Variants in MYRIP observed in about 807,000 individuals in gnomAD.
The protein encoded by MYRIP is rab effector MyRIP.
In MYRIP, 49 loss-of-function variants were observed where a neutral mutation model predicts 98.0. The observed-to-expected ratio is 0.50, with a 90% CI of 0.40 to 0.63. MYRIP has a LOEUF of 0.63. Ranked by LOEUF, MYRIP falls within the 30% of genes least tolerant of loss-of-function variation. MYRIP has a pLI of 0.00. For synonymous variants in MYRIP, 404 were observed against 409.5 expected, an observed-to-expected ratio of 0.99 and a Z score of 0.16; for missense variants, 1,004 against 1,058.2, an observed-to-expected ratio of 0.95 and a Z score of 0.71.
Position 39,981,296 on chromosome 3 carries a change from T to C in MYRIP, c.111-62754T>C, listed in dbSNP as rs543519183. 5.4e-4 allele frequency among the ~76,000 whole-genome samples: 83 copies of C among 152,338 alleles called. 1 individual carries two copies. The highest frequency in any genetic ancestry group is 1.6e-3 in the African/African-American group (68 of 41,594). ...ACATTGCCAAATATAGTGGACTTCC[T>C]TATCTGGGTTGTATTCTTCCCTGTT... On this transcript the variant is annotated intron_variant, in intron 2 of 16. Coordinates refer to ENST00000302541, the MANE Select transcript of MYRIP (RefSeq NM_015460.4).
At chr3:40,011,580 T>G (rs185489590) in intron 2 of MYRIP, among the ~76,000 whole-genome samples, 6 of 152,340 alleles carry the variant, frequency 3.9e-5, no homozygotes, top group African/African-American at 1.4e-4. Flanking sequence ...ATCCATTGCA[T>G]TGATCTAGAC....
chr3:40,239,007 C>T (rs1952911790), intron 12 of MYRIP, among the ~76,000 whole-genome samples: 1 of 151,372 alleles, frequency 6.6e-6, no homozygotes, highest in African/African-American at 2.4e-5. Flanking sequence ...GCTGCACCCA[C>T]TAACTCGTCA....
chr3:40,173,782 G>A (rs1221980046), intron 8 of MYRIP: 1 of 152,044 alleles, frequency 6.6e-6, no homozygotes, highest in Non-Finnish European at 1.5e-5. Context: ...ATTTCCCTTT[G>A]GTTTACTAAA....
chr3:39,847,819 T>C (rs1265452813), intron 1 of MYRIP, among the ~76,000 whole-genome samples: 1 of 152,188 alleles, frequency 6.6e-6, no homozygotes. Flanking sequence ...GTAGTTTCCA[T>C]GCAGGACCAT....
chr3:40,225,923 T>C (rs973981702), intron 11 of MYRIP, among the ~76,000 whole-genome samples: 4 of 152,206 alleles, frequency 2.6e-5, no homozygotes, highest in Non-Finnish European at 5.9e-5. Context: ...TGTCTTTAGA[T>C]GACCCCTGTT....
intron 2 of MYRIP, among the ~76,000 whole-genome samples, chr3:39,933,957 AAAC>A (rs1156389842): frequency 7.2e-5 from 11 of 152,206 alleles, no homozygotes; most frequent in East Asian, 1.9e-4. Context: ...GGCTCCTAGA[AAAC>A]AACATTAGCA....
chr3:39,987,228 G>T (rs1047141093), intron 2 of MYRIP, among the ~76,000 whole-genome samples: 1 of 151,996 alleles, frequency 6.6e-6, no homozygotes, highest in Admixed American at 6.6e-5. Context: ...TCATTATTCA[G>T]TTCCCACTTG....
rs568261055 is a variant in MYRIP, at chr3:40,198,874, G to A, written c.1665+8411G>A. On this transcript the variant is annotated intron_variant, in intron 10 of 16. Coordinates refer to ENST00000302541, the MANE Select transcript of MYRIP (RefSeq NM_015460.4). Reference sequence around the variant, plus strand: ...CATTTATTTAATAGGTGTATGCCTTGCTCCAGAAATAATTTAAAGTGGCTT... The same window carrying A: ...CATTTATTTAATAGGTGTATGCCTTACTCCAGAAATAATTTAAAGTGGCTT... Among the ~76,000 whole-genome samples, 171 of 152,204 alleles carry A rather than the reference G, an allele frequency of 1.1e-3. 1 individual carries two copies. Among genetic ancestry groups the A allele is most frequent in the African/African-American group, 3.9e-3 (162 of 41,512 alleles).
At chr3:39,936,256 C>G (rs1220490062) in intron 2 of MYRIP, among the ~76,000 whole-genome samples, 1 of 152,164 alleles carries the variant, frequency 6.6e-6, no homozygotes, top group Non-Finnish European at 1.5e-5. Flanking sequence ...TCCCAGGATT[C>G]TCAGGAATTC....
At chr3:39,822,674 A>G (rs1481994852) in intron 1 of MYRIP, among the ~76,000 whole-genome samples, 1 of 152,144 alleles carries the variant, frequency 6.6e-6, no homozygotes, top group Non-Finnish European at 1.5e-5. Flanking sequence ...ATCATTTAAC[A>G]ATTCTCTCCC....
intron 2 of MYRIP, among the ~76,000 whole-genome samples, chr3:39,958,912 AG>A (rs1945246386): frequency 6.6e-6 from 1 of 152,234 alleles, no homozygotes; most frequent in Non-Finnish European, 1.5e-5. Flanking sequence ...TGCAGCCAAC[AG>A]ACACATGAAA....
intron 2 of MYRIP, among the ~76,000 whole-genome samples, chr3:39,935,614 C>A (rs867209058): frequency 5.3e-5 from 8 of 151,988 alleles, no homozygotes; most frequent in South Asian, 4.2e-4. Flanking sequence ...TCCTAAATCC[C>A]AAGAAAAATC....
intron 2 of MYRIP, among the ~76,000 whole-genome samples, chr3:39,992,433 C>G (rs1296940998): frequency 6.6e-6 from 1 of 152,178 alleles, no homozygotes. Flanking sequence ...GCCTCTCCCC[C>G]AAGGGCACAG....
chr3:40,152,715 T>G (rs1950145869), intron 4 of MYRIP, among the ~76,000 whole-genome samples: 1 of 152,228 alleles, frequency 6.6e-6, no homozygotes. Flanking sequence ...CTGCCTCTCC[T>G]GCCAGACTGT....
intron 2 of MYRIP, among the ~76,000 whole-genome samples, chr3:39,997,256 GAGA>G (rs1350225914): frequency 1.3e-5 from 2 of 152,078 alleles, no homozygotes; most frequent in East Asian, 3.9e-4. Context: ...CTGGTTTTTT[GAGA>G]AGATCAACAA....
intron 1 of MYRIP, among the ~76,000 whole-genome samples, chr3:39,860,244 C>T (rs1002240215): frequency 2.0e-5 from 3 of 152,182 alleles, no homozygotes; most frequent in African/African-American, 7.2e-5. Flanking sequence ...GCTCTTGCCA[C>T]AGACCTCTGG....
At chr3:40,253,601 G>C (rs1406957989) in intron 16 of MYRIP, among the ~76,000 whole-genome samples, 1 of 152,144 alleles carries the variant, frequency 6.6e-6, no homozygotes, top group Non-Finnish European at 1.5e-5. Context: ...GATCGCACTA[G>C]TCTTAGTGAG....
At chr3:39,991,196 C>T (rs1409001410) in intron 2 of MYRIP, among the ~76,000 whole-genome samples, 4 of 152,150 alleles carry the variant, frequency 2.6e-5, no homozygotes, top group African/African-American at 9.7e-5. Flanking sequence ...GAAAATTGGT[C>T]TAAGTGTCTG....
chr3:39,965,032 C>A (rs1220732038), intron 2 of MYRIP, among the ~76,000 whole-genome samples: 1 of 152,058 alleles, frequency 6.6e-6, no homozygotes, highest in East Asian at 1.9e-4. Flanking sequence ...TATCCCTATA[C>A]AGGCATTAAG....
Sources: allele counts gnomAD v4.1 joint callset (sites outside exome capture counted in the v4.1 genomes callset), GRCh38; gene constraint gnomAD v4.1.1; transcripts MANE v1.5; gene names NCBI Gene and HGNC (gene_info 2026-07-23, HGNC 2026-07-21).